Variants in ENTREP2 observed in about 807,000 individuals in gnomAD.
The protein encoded by ENTREP2 is protein ENTREP2.
the ENTREP2 span, among the ~76,000 whole-genome samples, chr15:29,478,495 T>C: frequency 6.6e-6 from 1 of 152,174 alleles, no homozygotes; most frequent in Non-Finnish European, 1.5e-5. Context: ...CATGTTGAGA[T>C]ATAATCCCTG....
chr15:29,275,055 G>C, the ENTREP2 span, among the ~76,000 whole-genome samples: 1 of 152,146 alleles, frequency 6.6e-6, no homozygotes. Flanking sequence ...TTTATCTCCT[G>C]TTTTCAGGAA....
At chr15:29,259,868 A>T in the ENTREP2 span, among the ~76,000 whole-genome samples, 1 of 151,984 alleles carries the variant, frequency 6.6e-6, no homozygotes, top group African/African-American at 2.4e-5. Flanking sequence ...ACAAAACAAA[A>T]GCCCAGAAAC....
chr15:29,583,665 TA>T, the ENTREP2 span, among the ~76,000 whole-genome samples: 7 of 152,202 alleles, frequency 4.6e-5, no homozygotes. Context: ...ATAATTTTTT[TA>T]AAAAGTAAGG....
chr15:29,377,873 G>A, the ENTREP2 span, among the ~76,000 whole-genome samples: 2,488 of 90,262 alleles, frequency 0.028, 33 homozygotes, highest in Non-Finnish European at 0.045. Context: ...AAAAAAATGA[G>A]CCACAAGGAG....
At chr15:29,226,739 G>C in the ENTREP2 span, among the ~76,000 whole-genome samples, 1 of 152,164 alleles carries the variant, frequency 6.6e-6, no homozygotes, top group Non-Finnish European at 1.5e-5. Flanking sequence ...AGATTAGAGT[G>C]CTGGTAATAG....
chr15:29,218,386 C>T, the ENTREP2 span, among the ~76,000 whole-genome samples: 11 of 152,208 alleles, frequency 7.2e-5, no homozygotes, highest in African/African-American at 2.2e-4. Context: ...AACGATCATA[C>T]GGCCAAAAGC....
chr15:29,554,964 T>G, the ENTREP2 span, among the ~76,000 whole-genome samples: 1 of 152,162 alleles, frequency 6.6e-6, no homozygotes. Flanking sequence ...CAATGGGAGC[T>G]TATTAAATAA....
the ENTREP2 span, among the ~76,000 whole-genome samples, chr15:29,636,402 T>C: frequency 6.6e-6 from 1 of 152,200 alleles, no homozygotes. Flanking sequence ...CAGGTGCTGC[T>C]GATCAAAGGA....
At chr15:29,221,579 C>T in the ENTREP2 span, among the ~76,000 whole-genome samples, 3 of 152,112 alleles carry the variant, frequency 2.0e-5, no homozygotes, top group African/African-American at 7.2e-5. Context: ...GACTGGCACT[C>T]CTGAGGCACT....
chr15:29,294,609 C>T, the ENTREP2 span, among the ~76,000 whole-genome samples: 1 of 152,284 alleles, frequency 6.6e-6, no homozygotes, highest in South Asian at 2.1e-4. Context: ...TATTTGTTAC[C>T]TGGGAAACCA....
chr15:29,254,203 T>G, the ENTREP2 span, among the ~76,000 whole-genome samples: 1 of 144,286 alleles, frequency 6.9e-6, no homozygotes, highest in African/African-American at 2.5e-5. Context: ...CACTGGATAT[T>G]CTGTCTAATG....
chr15:29,383,414 G>A, the ENTREP2 span, among the ~76,000 whole-genome samples: 1 of 152,190 alleles, frequency 6.6e-6, no homozygotes, highest in Non-Finnish European at 1.5e-5. Flanking sequence ...GTCCAACCAG[G>A]GAGGAACAGG....
the ENTREP2 span, among the ~76,000 whole-genome samples, chr15:29,635,138 C>T: frequency 6.6e-6 from 1 of 152,192 alleles, no homozygotes; most frequent in Non-Finnish European, 1.5e-5. Flanking sequence ...CCACCGCACC[C>T]GGCCTCCTTA....
the ENTREP2 span, among the ~76,000 whole-genome samples, chr15:29,673,957 C>CTG: frequency 6.6e-6 from 1 of 152,154 alleles, no homozygotes; most frequent in African/African-American, 2.4e-5. Flanking sequence ...CGTCCTGTTG[C>CTG]TGTGTGTGTG....
chr15:29,581,041 T>C, the ENTREP2 span, among the ~76,000 whole-genome samples: 1 of 149,088 alleles, frequency 6.7e-6, no homozygotes, highest in African/African-American at 2.4e-5. Context: ...TTACTACCTA[T>C]AATTCAATAG....
the ENTREP2 span, among the ~76,000 whole-genome samples, chr15:29,515,908 C>T: frequency 1.3e-5 from 2 of 152,078 alleles, no homozygotes; most frequent in African/African-American, 4.8e-5. Context: ...AATATGGTAG[C>T]CACTTGTGAC....
At chr15:29,616,028 C>G in the ENTREP2 span, among the ~76,000 whole-genome samples, 1 of 152,322 alleles carries the variant, frequency 6.6e-6, no homozygotes, top group Non-Finnish European at 1.5e-5. Context: ...CTGCCATCGC[C>G]CAGGCTAACC....
chr15:29,658,441 C>G, the ENTREP2 span, among the ~76,000 whole-genome samples: 2 of 152,078 alleles, frequency 1.3e-5, no homozygotes, highest in Non-Finnish European at 2.9e-5. Context: ...ACGAATACAA[C>G]TGGGAATTTA....
the ENTREP2 span, among the ~76,000 whole-genome samples, chr15:29,232,801 C>G: frequency 6.6e-6 from 1 of 152,188 alleles, no homozygotes; most frequent in Non-Finnish European, 1.5e-5. Flanking sequence ...TGTGCCACCA[C>G]GTCCAGCTAT....
Sources: gnomAD v4.1 joint callset for allele counts (sites outside exome capture counted in the v4.1 genomes callset) on GRCh38, gnomAD v4.1.1 for gene constraint, MANE v1.5 for transcripts, NCBI Gene and HGNC (gene_info 2026-07-23, HGNC 2026-07-21) for gene names.